Variants in FANCI observed in about 807,000 individuals in gnomAD.
FANCI encodes the protein Fanconi anemia group I protein.
In FANCI, 156 loss-of-function variants were observed where a neutral mutation model predicts 176.1. The ratio of observed to expected loss-of-function variants is 0.89; its 90% CI spans 0.78 to 1.01. FANCI has a LOEUF of 1.01. FANCI is among the 50% of genes least tolerant of loss of function. The probability of loss-of-function intolerance (pLI) is 0.00; values close to 1 mark genes in which losing one functional copy is unlikely to be tolerated. For missense variants in FANCI, 1,678 were observed against 1,534.1 expected, an observed-to-expected ratio of 1.09 and a Z score of -1.57; for synonymous variants, 613 against 541.7, an observed-to-expected ratio of 1.13 and a Z score of -1.83.
intron 18 of FANCI, among the ~76,000 whole-genome samples, chr15:89,287,586 T>A (rs1371615954): frequency 6.6e-6 from 1 of 152,230 alleles, no homozygotes; most frequent in Non-Finnish European, 1.5e-5. Context: ...CTTGGCTCTT[T>A]GGTGCAAGAA....
rs1428592009 is a variant in FANCI at position 89,303,139 on chromosome 15, C to T, written c.3007-725C>T. Among the ~76,000 whole-genome samples, 3 of 152,188 alleles carry T rather than the reference C, an allele frequency of 2.0e-5. No individual in the cohort carries two copies. The East Asian group carries it at 5.8e-4, about 29-fold the overall frequency. ...TGCATCCTGCTTATTTCATTGAGCA[C>T]GGTATTCTGAAGATCTTTTAATATC... On this transcript the variant is annotated intron_variant, in intron 27 of 37. Coordinates refer to ENST00000310775, the MANE Select transcript of FANCI (RefSeq NM_001113378.2).
At chr15:89,307,187 C>G (rs1168451127) in intron 32 of FANCI, among the ~76,000 whole-genome samples, 1 of 152,174 alleles carries the variant, frequency 6.6e-6, no homozygotes, top group Non-Finnish European at 1.5e-5. Context: ...TTATTGGCAT[C>G]TTTAAAAGGA....
Position 89,293,946 on chromosome 15 carries a change from A to G in FANCI, c.2405A>G (p.Asp802Gly), listed in dbSNP as rs752920528. 5 of 1,614,158 alleles carry G rather than the reference A, an allele frequency of 3.1e-6. No homozygotes were observed. Among genetic ancestry groups the G allele is most frequent in the Non-Finnish European group, 4.2e-6 (5 of 1,180,030 alleles). The stretch of plus-strand genomic sequence containing the variant: ...ACTAAAATGGCCAACAAGACAAGTG[A>G]TAGTCTTTTGTCCATGAAATTTGTG... ...AKTKMANKTS[D>G]SLLSMKFVSS... is the part of the protein sequence containing the mutation. The change falls in exon 23 of 38, where the codon GAT becomes GGT. Residue 802 changes from aspartate (D) to glycine (G), a missense_variant. Physicochemically the swap from Asp to Gly is moderately conservative, Grantham distance 94. Coordinates refer to ENST00000310775, the MANE Select transcript of FANCI (RefSeq NM_001113378.2).
chr15:89,290,790 A>G (rs1281085507), intron 19 of FANCI, among the ~76,000 whole-genome samples: 1 of 152,152 alleles, frequency 6.6e-6, no homozygotes, highest in Non-Finnish European at 1.5e-5. Flanking sequence ...TTAGACCCCT[A>G]GTCTATCATT....
intron 24 of FANCI, among the ~76,000 whole-genome samples, chr15:89,298,116 A>G (rs1261559044): frequency 6.6e-6 from 1 of 152,192 alleles, no homozygotes; most frequent in Non-Finnish European, 1.5e-5. Flanking sequence ...TAGAAAATCT[A>G]CTGAAAGGAG....
At chr15:89,316,332 C>G (rs1286994130) in intron 37 of FANCI, 65 bp from the exon 38 acceptor site, 15 of 1,481,134 alleles carry the variant, frequency 1.0e-5, no homozygotes, top group East Asian at 4.9e-5. Context: ...TTTTTTCCTT[C>G]TTTTTATTTC....
chr15:89,308,143 C>G, intron 34 of FANCI: 1 of 1,080,178 alleles, frequency 9.3e-7, no homozygotes, highest in South Asian at 2.9e-5. Flanking sequence ...GTACTTGAAT[C>G]TCCTTTACTG....
intron 2 of FANCI, among the ~76,000 whole-genome samples, chr15:89,255,287 T>C (rs1387876270): frequency 6.6e-6 from 1 of 152,194 alleles, no homozygotes; most frequent in Non-Finnish European, 1.5e-5. Flanking sequence ...CCATGCCCTT[T>C]TTAGTGTATC....
rs752386484 is a variant in FANCI at position 89,274,218 on chromosome 15, A to G, written c.1026A>G (p.Gln342=). 4 of 1,606,616 alleles carry G rather than the reference A, an allele frequency of 2.5e-6. No individual in the cohort carries two copies. The highest frequency in any genetic ancestry group is 1.7e-5 in the Admixed American group (1 of 59,104). ...TTGTAAAGAGCTTTAAGGATCTTCA[A>G]CTCCTCCAAGGCTCAAAATTTCTTC... ...TSVVKSFKDL[Q]LLQGSKFLQN... is the part of the protein sequence containing the mutation. Residue 342 remains glutamine (Q), a synonymous_variant, in exon 12 of 38, where the codon CAA becomes CAG. Transcript: ENST00000310775.
At chr15:89,289,317 C>T (rs79601482) in intron 18 of FANCI, among the ~76,000 whole-genome samples, 31 of 152,014 alleles carry the variant, frequency 2.0e-4, no homozygotes, top group Non-Finnish European at 3.5e-4. Flanking sequence ...CTTTCCTTTC[C>T]GATGGAGTCT....
In FANCI at chr15:89,316,733, CAG is replaced by C; in HGVS notation, c.*277_*278del. ...CGATGAAGCTCCACGGGAGCAAATACAGAGCCTCCAGGCAGTGCTATGGTCCA... is the reference window on the plus strand; with the variant it reads ...CGATGAAGCTCCACGGGAGCAAATACAGCCTCCAGGCAGTGCTATGGTCCA... On this transcript the variant is annotated 3_prime_UTR_variant, in exon 38 of 38. Coordinates refer to ENST00000310775, the MANE Select transcript of FANCI (RefSeq NM_001113378.2). The C allele has an allele frequency of 1.2e-6, 2 of 1,601,146 alleles. No homozygotes were observed. The highest frequency in any genetic ancestry group is 1.7e-6 in the Non-Finnish European group (2 of 1,168,086).
rs767106166 is a variant in FANCI, at chr15:89,276,911, A to G, written c.1293+20A>G. On this transcript the variant is annotated intron_variant, in intron 13 of 37. Transcript: ENST00000310775. ...TTTAAGGTGAGACACTATTTTGGCA[A>G]CCACTCCCTAATTTTGTTTAAATAA... 1.9e-6 allele frequency: 3 copies of G among 1,613,742 alleles called. No individual in the cohort carries two copies. The highest frequency in any genetic ancestry group is 1.1e-5 in the South Asian group (1 of 91,088).
intron 9 of FANCI, among the ~76,000 whole-genome samples, chr15:89,266,883 A>C (rs769354958): frequency 6.6e-6 from 1 of 151,782 alleles, no homozygotes; most frequent in Non-Finnish European, 1.5e-5. Context: ...TGACCACACT[A>C]GGTTTGAGAT....
chr15:89,297,626 C>T (rs1052107013), intron 24 of FANCI, among the ~76,000 whole-genome samples: 3 of 152,044 alleles, frequency 2.0e-5, no homozygotes, highest in South Asian at 2.1e-4. Flanking sequence ...TCAGGTGTGG[C>T]GGCAATTGCA....
At chr15:89,286,143 C>A (rs1004809417) in intron 18 of FANCI, among the ~76,000 whole-genome samples, 1 of 152,106 alleles carries the variant, frequency 6.6e-6, no homozygotes. Context: ...CAGCCATGCA[C>A]CACCATGCCC....
chr15:89,261,895 T>C lies in FANCI; in HGVS notation c.503+17T>C. On this transcript the variant is annotated intron_variant, in intron 6 of 37. Transcript: ENST00000310775. ...TTCTGGCAGGTGAGTCTTGTTAATA[T>C]GTATAACTTTCTTAGGAATACAAGT... 2 of 1,612,860 alleles carry C rather than the reference T, an allele frequency of 1.2e-6. No homozygotes were observed. The highest frequency in any genetic ancestry group is 2.2e-5 in the East Asian group (1 of 44,842).
At chr15:89,278,189 T>A (rs1343670872) in intron 13 of FANCI, among the ~76,000 whole-genome samples, 1 of 152,210 alleles carries the variant, frequency 6.6e-6, no homozygotes, top group Non-Finnish European at 1.5e-5. Context: ...CATAAAGTAA[T>A]CAAGTTGAAG....
At chr15:89,266,050 A>G (rs983528170) in intron 9 of FANCI, among the ~76,000 whole-genome samples, 4 of 145,988 alleles carry the variant, frequency 2.7e-5, no homozygotes, top group Non-Finnish European at 1.5e-5. Flanking sequence ...AGGTTGGAGT[A>G]CAGTGGCACC....
intron 10 of FANCI, among the ~76,000 whole-genome samples, chr15:89,272,708 A>G (rs927396583): frequency 6.6e-6 from 1 of 151,928 alleles, no homozygotes; most frequent in Admixed American, 6.6e-5. Context: ...AGTCATAAGG[A>G]CTTTTTTGGG....
Sources: allele counts gnomAD v4.1 joint callset (sites outside exome capture counted in the v4.1 genomes callset), GRCh38; gene constraint gnomAD v4.1.1; transcripts MANE v1.5; gene names NCBI Gene and HGNC (gene_info 2026-07-23, HGNC 2026-07-21).